KLRK1: variants seen among roughly 807,000 people sequenced by gnomAD.
The protein encoded by KLRK1 is killer cell lectin like receptor K1.
A neutral mutation model predicts 31.3 loss-of-function variants in KLRK1; 40 were observed. The ratio of observed to expected loss-of-function variants is 1.28; its 90% CI spans 0.99 to 1.67. The LOEUF is 1.67. Among genes scored for constraint, KLRK1 ranks in the 40% most tolerant of loss-of-function variants. The pLI is 0.00. For synonymous variants in KLRK1, 77 were observed against 77.3 expected, an observed-to-expected ratio of 1.00 and a Z score of 0.02; for missense variants, 251 against 260.0, an observed-to-expected ratio of 0.97 and a Z score of 0.24.
intron 6 of KLRK1, 133 bp from the exon 7 acceptor site, chr12:10,378,368 A>C: frequency 3.9e-6 from 5 of 1,295,656 alleles, no homozygotes; most frequent in Non-Finnish European, 5.3e-6. Context: ...CATAATTCTC[A>C]TCCGAGCACA....
intron 3 of KLRK1, among the ~76,000 whole-genome samples, chr12:10,381,408 A>G (rs1319303901): frequency 6.6e-6 from 1 of 152,222 alleles, no homozygotes; most frequent in Non-Finnish European, 1.5e-5. Flanking sequence ...AGGGAGTCCT[A>G]TATCTGGAAG....
chr12:10,379,966 G>C (rs1863040030), intron 3 of KLRK1, 174 bp from the exon 4 acceptor site: 1 of 427,404 alleles, frequency 2.3e-6, no homozygotes, highest in African/African-American at 2.0e-5. Context: ...TCAAAAACTA[G>C]AGTACAACAA....
chr12:10,389,684 TAGAGACA>T (rs1313214872), intron 1 of KLRK1, among the ~76,000 whole-genome samples: 1 of 152,102 alleles, frequency 6.6e-6, no homozygotes, highest in African/African-American at 2.4e-5. Flanking sequence ...TAGTTTTGCT[TAGAGACA>T]AGGCTTCTTC....
intron 7 of KLRK1, among the ~76,000 whole-genome samples, chr12:10,375,402 A>C (rs1403788138): frequency 6.6e-6 from 1 of 152,170 alleles, no homozygotes; most frequent in Non-Finnish European, 1.5e-5. Context: ...TCTGTTGTAT[A>C]CCATTAGAAT....
chr12:10,380,877 C>G (rs985636842), intron 3 of KLRK1, among the ~76,000 whole-genome samples: 2 of 152,130 alleles, frequency 1.3e-5, no homozygotes, highest in Non-Finnish European at 2.9e-5. Context: ...TAGCCACCAC[C>G]AAAGTACGCT....
At position 10,379,736 on chromosome 12, in the gene KLRK1, TAATG is replaced by T. The variant is rs1373563815; in HGVS notation, c.201_204del (p.Phe67LeufsTer4). ...ACAGCACTCCATATTGTTACCATAA[TAATG>T]AAACGGATTCCCATGGCTACAGCGA... On this transcript the variant is annotated frameshift_variant, in exon 4 of 8. Transcript: ENST00000240618. LOFTEE classifies it high-confidence loss of function. The T allele has an allele frequency of 6.2e-7, 1 of 1,612,028 alleles. No individual in the cohort carries two copies. Among genetic ancestry groups the T allele is most frequent in the East Asian group, 2.2e-5 (1 of 44,740 alleles).
chr12:10,376,205 T>TTATCACATAGAA lies in KLRK1; in HGVS notation c.533+1915_533+1926dup, dbSNP rs1862961945. On this transcript the variant is annotated intron_variant, in intron 7 of 7. Transcript: ENST00000240618. Reference sequence around the variant, plus strand: ...ATTACAAAACTTTGTATTTCAAAGGTTATCACATAGAATACATAGAAAACA... The same window carrying TTATCACATAGAA: ...ATTACAAAACTTTGTATTTCAAAGGTTATCACATAGAATATCACATAGAATACATAGAAAACA... 3.3e-5 allele frequency among the ~76,000 whole-genome samples: 5 copies of TTATCACATAGAA among 152,312 alleles called. No individual in the cohort carries two copies. The South Asian group carries it at 1.0e-3, about 32-fold the overall frequency.
chr12:10,375,275 C>T (rs1862943220), intron 7 of KLRK1, among the ~76,000 whole-genome samples: 1 of 152,110 alleles, frequency 6.6e-6, no homozygotes, highest in South Asian at 2.1e-4. Context: ...GAAAAGAGCA[C>T]TTTTTTAGTC....
At chr12:10,388,968 T>C in intron 1 of KLRK1, 93 bp from the exon 2 acceptor site, 1 of 774,680 alleles carries the variant, frequency 1.3e-6, no homozygotes, top group Non-Finnish European at 2.0e-6. Flanking sequence ...CAGAAACTTT[T>C]CCCCTGTGCA....
rs1863030814 is a variant in KLRK1, at chr12:10,379,497, A to G, written c.242-15T>C. On this transcript the variant is annotated splice_polypyrimidine_tract_variant and intron_variant, in intron 4 of 7. Coordinates refer to ENST00000240618, the MANE Select transcript of KLRK1 (RefSeq NM_007360.4). Reference sequence around the variant, plus strand: ...GTTGAATAATGCTATTAAAATAACCATAAGTATTAAAAGTTTGTATTGTTA... The same window carrying G: ...GTTGAATAATGCTATTAAAATAACCGTAAGTATTAAAAGTTTGTATTGTTA... 4.8e-6 allele frequency: 7 copies of G among 1,464,698 alleles called. No homozygotes were observed. Among genetic ancestry groups the G allele is most frequent in the Admixed American group, 1.9e-5 (1 of 52,576 alleles). The allele number at this position is 1,464,698 out of a possible 1,614,324, so 90.7% of individuals were successfully genotyped here. A position where few individuals can be genotyped will look rare whatever the true frequency, so the allele number is the denominator to read the frequency against.
chr12:10,380,347 G>A (rs1863051538), intron 3 of KLRK1, among the ~76,000 whole-genome samples: 1 of 152,160 alleles, frequency 6.6e-6, no homozygotes, highest in Non-Finnish European at 1.5e-5. Flanking sequence ...TTACAGGCGT[G>A]AGCCACCGCA....
intron 1 of KLRK1, 166 bp from the exon 2 acceptor site, chr12:10,389,041 A>G (rs1452389903): frequency 3.3e-5 from 16 of 490,392 alleles, no homozygotes; most frequent in Non-Finnish European, 5.1e-5. Flanking sequence ...AATTTTATAC[A>G]TTTCTCTTGG....
chr12:10,375,002 G>GATATA, intron 7 of KLRK1, among the ~76,000 whole-genome samples: 1 of 151,374 alleles, frequency 6.6e-6, no homozygotes, highest in East Asian at 1.9e-4. Context: ...GAGAAACTAT[G>GATATA]ATATAAACTC....
Position 10,386,924 on chromosome 12 carries a change from T to C in KLRK1, c.127A>G (p.Lys43Glu). The part of the protein sequence containing the change: ...RWQKQRCPVV[K>E]SKCRENASPF... ...TTACCATTTTCTCTACATTTGCTTT[T>C]GACTACTGGACATCTTTGCTTTTGC... is the stretch of plus-strand genomic sequence containing the variant. Residue 43 changes from lysine to glutamate, a missense_variant, in exon 3 of 8, where the codon AAA becomes GAA. Physicochemically the swap from Lys to Glu is moderately conservative, Grantham distance 56. Transcript: ENST00000240618. 7 of 1,611,960 alleles carry C rather than the reference T, an allele frequency of 4.3e-6. No individual in the cohort carries two copies. The highest frequency in any genetic ancestry group is 5.9e-6 in the Non-Finnish European group (7 of 1,179,036).
chr12:10,389,325 A>T (rs1863230806), intron 1 of KLRK1, among the ~76,000 whole-genome samples: 1 of 152,182 alleles, frequency 6.6e-6, no homozygotes, highest in South Asian at 2.1e-4. Flanking sequence ...GTCCTTTTCT[A>T]GTGCATTTTA....
chr12:10,388,920 G>C lies in KLRK1; in HGVS notation c.-65-45C>G, dbSNP rs1049476138. On this transcript the variant is annotated intron_variant, in intron 1 of 7. Transcript: ENST00000240618. The stretch of plus-strand genomic sequence containing the variant: ...GCATTTGTTTTTTGTTCTCTTTCCC[G>C]TGGTGAGATAAAATATTTTGAATAG... 6.9e-6 allele frequency: 9 copies of C among 1,311,114 alleles called. No individual in the cohort carries two copies. The East Asian group carries it at 2.0e-4, about 29-fold the overall frequency. 81.2% of individuals were successfully genotyped at this position (1,311,114 alleles called of 1,614,324 possible).
At chr12:10,389,599 T>C (rs577137739) in intron 1 of KLRK1, among the ~76,000 whole-genome samples, 2 of 152,260 alleles carry the variant, frequency 1.3e-5, no homozygotes, top group South Asian at 4.1e-4. Context: ...CCCTACAGCA[T>C]CAGAAAACTC....
rs1565492530 is a variant in KLRK1 at position 10,379,776 on chromosome 12, G to A, written c.165C>T (p.Phe55=). The change falls in exon 4 of 8, where the codon TTC becomes TTT. Residue 55 remains phenylalanine, a synonymous_variant. Transcript: ENST00000240618. ...KCRENASPFF[F]CCFIAVAMGI... ...CCATGGCTACAGCGATGAAGCAGCA[G>A]AAAAAAAATGGAGATGCTGTCAAAG... is the stretch of plus-strand genomic sequence containing the variant. 2 of 1,609,340 alleles carry A rather than the reference G, an allele frequency of 1.2e-6. No homozygotes were observed. The highest frequency in any genetic ancestry group is 1.7e-5 in the Admixed American group (1 of 59,568).
In KLRK1 at chr12:10,379,751, C is replaced by T. The variant is rs1374304458; in HGVS notation, c.190G>A (p.Gly64Arg). Residue 64 changes from glycine to arginine, a missense_variant, in exon 4 of 8, where the codon GGA becomes AGA. Gly to Arg is a moderately radical substitution (Grantham distance 125). Transcript: ENST00000240618. ...FFCCFIAVAM[G>R]IRFIIMVTIW... is the part of the protein sequence containing the mutation. ...GTTACCATAATAATGAAACGGATTC[C>T]CATGGCTACAGCGATGAAGCAGCAG... The T allele has an allele frequency of 1.2e-6, 2 of 1,612,242 alleles. No individual in the cohort carries two copies. The highest frequency in any genetic ancestry group is 1.7e-6 in the Non-Finnish European group (2 of 1,179,110).
Sources: allele counts gnomAD v4.1 joint callset (sites outside exome capture counted in the v4.1 genomes callset), GRCh38; gene constraint gnomAD v4.1.1; transcripts MANE v1.5; gene names NCBI Gene and HGNC (gene_info 2026-07-23, HGNC 2026-07-21).